Variants in GRM8 observed in about 807,000 individuals in gnomAD.
GRM8 encodes the protein glutamate metabotropic receptor 8, also known as metabotropic glutamate receptor 8.
Under a neutral mutation model 87.2 loss-of-function variants are expected in GRM8, and 47 were observed. That is an observed-to-expected ratio of 0.54 (90% CI 0.43 to 0.69). GRM8 has a LOEUF of 0.69. GRM8 is among the 30% of genes least tolerant of loss of function. The probability of loss-of-function intolerance (pLI) is 0.00; values close to 1 mark genes in which losing one functional copy is unlikely to be tolerated. For missense variants in GRM8, 1,019 were observed against 1,139.2 expected, an observed-to-expected ratio of 0.89 and a Z score of 1.52; for synonymous variants, 396 against 404.5, an observed-to-expected ratio of 0.98 and a Z score of 0.25.
intron 6 of GRM8, among the ~76,000 whole-genome samples, chr7:126,898,722 T>A (rs1715710429): frequency 1.3e-5 from 2 of 152,188 alleles, no homozygotes; most frequent in African/African-American, 2.4e-5. Context: ...CACCTACAGA[T>A]GCTAAAGGAA....
At chr7:127,249,194 C>A (rs779725373) in intron 1 of GRM8, among the ~76,000 whole-genome samples, 1 of 152,136 alleles carries the variant, frequency 6.6e-6, no homozygotes, top group Non-Finnish European at 1.5e-5. Context: ...GAGGGCTCTC[C>A]TAGATATTCC....
At chr7:126,784,483 C>T (rs1820419682) in intron 6 of GRM8, among the ~76,000 whole-genome samples, 1 of 152,110 alleles carries the variant, frequency 6.6e-6, no homozygotes, top group Non-Finnish European at 1.5e-5. Context: ...CTGCTTTTCT[C>T]AGTGATTTAT....
intron 9 of GRM8, among the ~76,000 whole-genome samples, chr7:126,497,153 A>G (rs2150673586): frequency 6.6e-6 from 1 of 151,990 alleles, no homozygotes; most frequent in South Asian, 2.1e-4. Flanking sequence ...AGTACCAGAG[A>G]GCCAACATCC....
intron 9 of GRM8, among the ~76,000 whole-genome samples, chr7:126,531,891 T>C (rs1814881108): frequency 6.6e-6 from 1 of 152,200 alleles, no homozygotes; most frequent in African/African-American, 2.4e-5. Flanking sequence ...CTGGGAAATG[T>C]AATTACCCCA....
chr7:126,439,584 A>G (rs957429546), intron 10 of GRM8, among the ~76,000 whole-genome samples: 1 of 152,186 alleles, frequency 6.6e-6, no homozygotes, highest in Non-Finnish European at 1.5e-5. Context: ...TTGCTGGTTT[A>G]AATATTTACT....
At chr7:126,659,839 T>A (rs974733407) in intron 7 of GRM8, among the ~76,000 whole-genome samples, 1 of 152,218 alleles carries the variant, frequency 6.6e-6, no homozygotes, top group Non-Finnish European at 1.5e-5. Context: ...GTAAGACTAA[T>A]CATTTTTCAT....
intron 6 of GRM8, among the ~76,000 whole-genome samples, chr7:126,779,742 T>C (rs1240179997): frequency 2.0e-5 from 3 of 152,192 alleles, no homozygotes; most frequent in African/African-American, 7.2e-5. Flanking sequence ...TGGTATAATT[T>C]ATAAATTTCT....
Position 126,909,919 on chromosome 7 carries a change from C to T in GRM8, c.728-5236G>A, listed in dbSNP as rs1803112660. Among the ~76,000 whole-genome samples the T allele has an allele frequency of 2.6e-5, 4 of 152,246 alleles. 1 individual carries two copies. Among genetic ancestry groups the T allele is most frequent in the South Asian group, 4.1e-4 (2 of 4,830 alleles). ...GTCTGGACTTCTTCCATCATCTTAC[C>T]CATCCACAATTGACTATACCTGTGG... On this transcript the variant is annotated intron_variant, in intron 3 of 10. Coordinates refer to ENST00000339582, the MANE Select transcript of GRM8 (RefSeq NM_000845.3).
chr7:127,055,914 T>C (rs985174099), intron 3 of GRM8, among the ~76,000 whole-genome samples: 9 of 152,114 alleles, frequency 5.9e-5, no homozygotes, highest in Non-Finnish European at 1.2e-4. Flanking sequence ...TAAAAATAAA[T>C]AGCTTATGAT....
intron 9 of GRM8, among the ~76,000 whole-genome samples, chr7:126,474,427 C>T (rs1805659323): frequency 6.6e-6 from 1 of 152,128 alleles, no homozygotes. Flanking sequence ...GGCCACCATG[C>T]CTGCCTAATT....
At chr7:126,799,181 C>T (rs1822349923) in intron 6 of GRM8, among the ~76,000 whole-genome samples, 1 of 152,076 alleles carries the variant, frequency 6.6e-6, no homozygotes, top group African/African-American at 2.4e-5. Context: ...TGCAGATTCT[C>T]AGGGCCCACT....
chr7:126,571,365 T>C (rs1794675627), intron 8 of GRM8, among the ~76,000 whole-genome samples: 1 of 152,158 alleles, frequency 6.6e-6, no homozygotes, highest in South Asian at 2.1e-4. Flanking sequence ...ATTTAGATTT[T>C]ATGAGATTTA....
chr7:126,891,993 C>T (rs1801061978), intron 6 of GRM8, among the ~76,000 whole-genome samples: 1 of 126,398 alleles, frequency 7.9e-6, no homozygotes, highest in Admixed American at 9.3e-5. Flanking sequence ...AAAATCTCTT[C>T]CTATATGAAG....
At chr7:126,756,390 A>C (rs1817010576) in intron 7 of GRM8, among the ~76,000 whole-genome samples, 1 of 152,098 alleles carries the variant, frequency 6.6e-6, no homozygotes, top group Non-Finnish European at 1.5e-5. Context: ...TACCAAAGGC[A>C]CTATTTATAA....
chr7:126,863,901 T>C (rs980577482), intron 6 of GRM8, among the ~76,000 whole-genome samples: 1 of 151,808 alleles, frequency 6.6e-6, no homozygotes, highest in African/African-American at 2.4e-5. Flanking sequence ...TTGTCTGATA[T>C]TAATTTACTA....
chr7:126,656,743 T>G (rs895098470), intron 7 of GRM8, among the ~76,000 whole-genome samples: 22 of 104,150 alleles, frequency 2.1e-4, no homozygotes, highest in African/African-American at 1.1e-3. Flanking sequence ...GAGTTAACAG[T>G]TGGACAGAGA....
intron 7 of GRM8, among the ~76,000 whole-genome samples, chr7:126,689,824 A>T (rs1467187877): frequency 2.0e-5 from 3 of 152,168 alleles, no homozygotes; most frequent in East Asian, 3.8e-4. Context: ...CTGCATGACC[A>T]TGGGTAAAAT....
intron 3 of GRM8, among the ~76,000 whole-genome samples, chr7:126,998,988 C>T (rs1218278147): frequency 3.3e-5 from 5 of 151,920 alleles, no homozygotes; most frequent in African/African-American, 9.7e-5. Flanking sequence ...GGAGAAACCA[C>T]ATTACCTGAC....
rs533036383 is a variant in GRM8 at position 126,571,829 on chromosome 7, C to G, written c.1494+37533G>C. On this transcript the variant is annotated intron_variant, in intron 8 of 10. Transcript: ENST00000339582. ...GATCTCGGCTCACTGCAACCTCTGC[C>G]TCCTGGGTAAAAGTGATACTCCTGC... 5.3e-5 allele frequency among the ~76,000 whole-genome samples: 8 copies of G among 151,970 alleles called. 1 individual carries two copies. The South Asian group carries it at 1.7e-3, about 32-fold the overall frequency.
Sources: allele counts gnomAD v4.1 joint callset (sites outside exome capture counted in the v4.1 genomes callset), GRCh38; gene constraint gnomAD v4.1.1; transcripts MANE v1.5; gene names NCBI Gene and HGNC (gene_info 2026-07-23, HGNC 2026-07-21).